The following IFNG-AS1 variants were observed in gnomAD, a reference collection of about 807,000 sequenced individuals.
IFNG-AS1 encodes IFNG regulatory antisense RNA 1.
intron 4 of IFNG-AS1, chr12:68,019,976 G>A (rs1455783348): frequency 6.6e-6 from 1 of 152,144 alleles, no homozygotes; most frequent in East Asian, 1.9e-4. Flanking sequence ...AGTCTTTGAA[G>A]GGTCTTCAGA....
chr12:68,011,877 GA>G (rs1186530172), intron 3 of IFNG-AS1, among the ~76,000 whole-genome samples: 2 of 152,196 alleles, frequency 1.3e-5, no homozygotes, highest in Admixed American at 1.3e-4. Flanking sequence ...AGAGAGAATA[GA>G]GAAGCTTCTC....
intron 3 of IFNG-AS1, among the ~76,000 whole-genome samples, chr12:68,008,665 A>G (rs765107428): frequency 2.6e-5 from 4 of 152,136 alleles, no homozygotes; most frequent in Non-Finnish European, 4.4e-5. Context: ...GACCCAGACT[A>G]TTTCCATCAG....
chr12:68,012,224 A>C (rs1411229107), intron 3 of IFNG-AS1, among the ~76,000 whole-genome samples: 1 of 152,036 alleles, frequency 6.6e-6, no homozygotes, highest in African/African-American at 2.4e-5. Flanking sequence ...TAAGGATCTA[A>C]ATTTTTTTAA....
chr12:68,003,124 G>T (rs899160123), intron 2 of IFNG-AS1, among the ~76,000 whole-genome samples: 1 of 151,900 alleles, frequency 6.6e-6, no homozygotes, highest in African/African-American at 2.4e-5. Flanking sequence ...TCTTAAAATT[G>T]CTAGAGTCCA....
intron 2 of IFNG-AS1, among the ~76,000 whole-genome samples, chr12:68,005,306 C>T (rs182859923): frequency 2.0e-5 from 3 of 152,322 alleles, no homozygotes; most frequent in African/African-American, 7.2e-5. Flanking sequence ...GGTTTACACC[C>T]TCAGAAGGCC....
At chr12:67,992,128 T>G (rs1317802445) in intron 1 of IFNG-AS1, among the ~76,000 whole-genome samples, 1 of 152,238 alleles carries the variant, frequency 6.6e-6, no homozygotes. Context: ...CCGTGATGTT[T>G]CTGTATTTAT....
intron 2 of IFNG-AS1, among the ~76,000 whole-genome samples, chr12:68,003,593 C>G (rs3015001): frequency 0.63 from 96,443 of 151,916 alleles, 30,911 homozygotes; most frequent in Middle Eastern, 0.72. Context: ...TCCCAAGCTT[C>G]AATGCCTCCC....
At position 68,017,791 on chromosome 12, in the gene IFNG-AS1, T is replaced by C. The variant is rs527820061; in HGVS notation, n.242-2071T>C. On this transcript the variant is annotated intron_variant and non_coding_transcript_variant, in intron 3 of 5. Coordinates refer to ENST00000536914, the Ensembl canonical transcript of IFNG-AS1. Reference sequence around the variant, plus strand: ...TTAATGGCTAGTCATTATATCTTTCTTTGGAGGTAGCTTGTCTTGTTCAAA... The same window carrying C: ...TTAATGGCTAGTCATTATATCTTTCCTTGGAGGTAGCTTGTCTTGTTCAAA... Among the ~76,000 whole-genome samples the C allele has an allele frequency of 1.2e-4, 18 of 152,322 alleles. No homozygotes were observed. In the South Asian group the frequency reaches 3.5e-3, roughly 30 times the overall value.
intron 2 of IFNG-AS1, among the ~76,000 whole-genome samples, chr12:67,997,414 T>C (rs1879666285): frequency 6.6e-6 from 1 of 152,042 alleles, no homozygotes; most frequent in African/African-American, 2.4e-5. Flanking sequence ...TTTTAATAGA[T>C]GGTTCTGGGA....
chr12:68,010,853 T>G (rs3015002), intron 3 of IFNG-AS1, among the ~76,000 whole-genome samples: 91,281 of 152,038 alleles, frequency 0.6, 27,790 homozygotes, highest in Middle Eastern at 0.69. Context: ...CACTCCAGCA[T>G]TTCAGCTTCC....
rs540726607 is a variant in IFNG-AS1 at position 67,994,770 on chromosome 12, A to G, written n.52-1171A>G. Among the ~76,000 whole-genome samples, 4 of 152,330 alleles carry G rather than the reference A, an allele frequency of 2.6e-5. No individual in the cohort carries two copies. In the South Asian group the frequency reaches 8.3e-4, roughly 32 times the overall value. On this transcript the variant is annotated intron_variant and non_coding_transcript_variant, in intron 1 of 5. Transcript: ENST00000536914. Reference sequence around the variant, plus strand: ...ATGTTCTAGGAGGTGCAGTAAGATGAAGCATCATAAGTGATGAAAGTGATC... The same window carrying G: ...ATGTTCTAGGAGGTGCAGTAAGATGGAGCATCATAAGTGATGAAAGTGATC...
At chr12:68,007,403 A>G (rs1879930405) in intron 3 of IFNG-AS1, among the ~76,000 whole-genome samples, 1 of 152,228 alleles carries the variant, frequency 6.6e-6, no homozygotes, top group Non-Finnish European at 1.5e-5. Flanking sequence ...TAAGAATGTC[A>G]TCCTAATATA....
At chr12:67,989,588 AT>A (rs1879455766) in intron 1 of IFNG-AS1, 2 of 152,216 alleles carry the variant, frequency 1.3e-5, no homozygotes, top group African/African-American at 4.8e-5. Context: ...GGGTGAGAAC[AT>A]TTTTCATGAA....
intron 2 of IFNG-AS1, chr12:68,006,088 A>G (rs1879898670): frequency 6.6e-6 from 1 of 152,184 alleles, no homozygotes; most frequent in Admixed American, 6.5e-5. Flanking sequence ...TCCACTTTTT[A>G]GCGTAAAACG....
chr12:68,006,352 A>C (rs1879905316), intron 3 of IFNG-AS1, among the ~76,000 whole-genome samples: 1 of 152,264 alleles, frequency 6.6e-6, no homozygotes, highest in African/African-American at 2.4e-5. Flanking sequence ...AAAAAAGTTA[A>C]AGAAGGAAAT....
chr12:68,001,407 T>A, intron 2 of IFNG-AS1: 1 of 212,926 alleles, frequency 4.7e-6, no homozygotes, highest in East Asian at 1.1e-4. Context: ...CAGACCCAGC[T>A]GAGTCTTCTC....
rs1319935904 is a variant in IFNG-AS1 at position 67,995,843 on chromosome 12, T to C, written n.52-98T>C. On this transcript the variant is annotated intron_variant and non_coding_transcript_variant, in intron 1 of 5. Coordinates refer to ENST00000536914, the Ensembl canonical transcript of IFNG-AS1. ...CCCAACAAATGCAAAATCATTTCCATAAAGAGTAGAAAATATAAGTGGTAG... is the reference window on the plus strand; with the variant it reads ...CCCAACAAATGCAAAATCATTTCCACAAAGAGTAGAAAATATAAGTGGTAG... 2.0e-5 allele frequency: 3 copies of C among 152,044 alleles called. No homozygotes were observed. The South Asian group carries it at 6.2e-4, about 32-fold the overall frequency. 9.4% of individuals were successfully genotyped at this position (152,044 alleles called of 1,614,324 possible).
chr12:68,018,469 C>T (rs951764460), intron 3 of IFNG-AS1, among the ~76,000 whole-genome samples: 1 of 152,118 alleles, frequency 6.6e-6, no homozygotes, highest in Non-Finnish European at 1.5e-5. Flanking sequence ...AAAACATTCA[C>T]CCTACATGGC....
At chr12:68,005,509 C>A (rs1351762510) in intron 2 of IFNG-AS1, among the ~76,000 whole-genome samples, 1 of 152,186 alleles carries the variant, frequency 6.6e-6, no homozygotes, top group African/African-American at 2.4e-5. Context: ...GAAACCAAAT[C>A]AAAACAATGA....
Sources: gnomAD v4.1 joint callset for allele counts (sites outside exome capture counted in the v4.1 genomes callset) on GRCh38, gnomAD v4.1.1 for gene constraint, MANE v1.5 for transcripts, NCBI Gene and HGNC (gene_info 2026-07-23, HGNC 2026-07-21) for gene names.